The following RBFOX1 variants were observed in gnomAD, a reference collection of about 807,000 sequenced individuals.
The protein encoded by RBFOX1 is RNA binding protein fox-1 homolog 1.
In RBFOX1, 8 loss-of-function variants were observed where a neutral mutation model predicts 57.7. The ratio of observed to expected loss-of-function variants is 0.14; its 90% CI spans 0.08 to 0.25. RBFOX1 has a LOEUF of 0.25. Ranked by LOEUF, RBFOX1 falls within the 10% of genes least tolerant of loss-of-function variation. RBFOX1 has a pLI of 1.00. For missense variants in RBFOX1, 611 were observed against 548.5 expected, an observed-to-expected ratio of 1.11 and a Z score of -1.14; for synonymous variants, 326 against 222.4, an observed-to-expected ratio of 1.47 and a Z score of -4.15.
chr16:6,552,791 T>C (rs1341936603), intron 2 of RBFOX1, among the ~76,000 whole-genome samples: 1 of 151,976 alleles, frequency 6.6e-6, no homozygotes, highest in African/African-American at 2.4e-5. Flanking sequence ...TACAATTATA[T>C]GTGGTATGTA....
chr16:7,467,853 A>G (rs888787204), intron 4 of RBFOX1, among the ~76,000 whole-genome samples: 20 of 152,216 alleles, frequency 1.3e-4, no homozygotes, highest in Non-Finnish European at 2.1e-4. Context: ...AGCTCAATCT[A>G]TAGCCAAAGT....
intron 1 of RBFOX1, among the ~76,000 whole-genome samples, chr16:5,297,760 G>A (rs775949020): frequency 1.3e-5 from 2 of 152,310 alleles, no homozygotes; most frequent in Non-Finnish European, 2.9e-5. Flanking sequence ...GTTACTGGTT[G>A]CATGTAAGAT....
At chr16:5,517,148 G>A (rs2043822390) in intron 2 of RBFOX1, among the ~76,000 whole-genome samples, 1 of 152,100 alleles carries the variant, frequency 6.6e-6, no homozygotes, top group African/African-American at 2.4e-5. Flanking sequence ...TGCTGCTGTG[G>A]TCACCAGGAG....
intron 2 of RBFOX1, among the ~76,000 whole-genome samples, chr16:6,539,626 C>T (rs2096783741): frequency 1.3e-5 from 2 of 151,954 alleles, no homozygotes; most frequent in African/African-American, 4.8e-5. Context: ...GGTGGAACCC[C>T]ATCTCTACTA....
At chr16:7,689,768 G>A (rs748765776) in intron 14 of RBFOX1, among the ~76,000 whole-genome samples, 3 of 151,796 alleles carry the variant, frequency 2.0e-5, no homozygotes, top group Non-Finnish European at 4.4e-5. Context: ...CATAAGAAGT[G>A]GTCCATTAAG....
chr16:5,509,097 G>A (rs1053754031), intron 2 of RBFOX1, among the ~76,000 whole-genome samples: 21 of 152,162 alleles, frequency 1.4e-4, no homozygotes, highest in African/African-American at 3.9e-4. Flanking sequence ...GTGAAAACTG[G>A]GTCTCAGAGG....
chr16:6,650,482 C>A (rs970450746), intron 2 of RBFOX1, among the ~76,000 whole-genome samples: 1 of 152,108 alleles, frequency 6.6e-6, no homozygotes, highest in Non-Finnish European at 1.5e-5. Context: ...GTATGAGTTA[C>A]CTAATGGCTA....
chr16:5,825,499 G>A (rs1219701725), intron 3 of RBFOX1, among the ~76,000 whole-genome samples: 2 of 152,198 alleles, frequency 1.3e-5, no homozygotes, highest in Non-Finnish European at 2.9e-5. Flanking sequence ...TCAAATTTAG[G>A]AGCATTCATA....
chr16:7,174,051 C>G (rs989313996), intron 4 of RBFOX1, among the ~76,000 whole-genome samples: 3 of 152,202 alleles, frequency 2.0e-5, no homozygotes, highest in African/African-American at 7.2e-5. Context: ...TGAGCATCTG[C>G]TTTGTGTTAA....
intron 3 of RBFOX1, among the ~76,000 whole-genome samples, chr16:7,009,314 CTT>C (rs2093531769): frequency 6.7e-6 from 1 of 148,214 alleles, no homozygotes; most frequent in African/African-American, 2.5e-5. Flanking sequence ...CCTTCTTTCT[CTT>C]TCTTTGTACA....
chr16:5,540,638 A>G (rs1305935684), intron 2 of RBFOX1, among the ~76,000 whole-genome samples: 1 of 152,178 alleles, frequency 6.6e-6, no homozygotes, highest in African/African-American at 2.4e-5. Flanking sequence ...TTTGTTAAAA[A>G]TCCAGATTTC....
intron 1 of RBFOX1, among the ~76,000 whole-genome samples, chr16:5,361,929 G>A (rs2065562953): frequency 6.6e-6 from 1 of 152,206 alleles, no homozygotes; most frequent in African/African-American, 2.4e-5. Context: ...GGTTTGGACA[G>A]CAGGCAGATA....
chr16:6,449,939 A>G (rs771824124), intron 2 of RBFOX1, among the ~76,000 whole-genome samples: 12 of 152,312 alleles, frequency 7.9e-5, no homozygotes, highest in East Asian at 3.9e-4. Flanking sequence ...TTCATGCTGG[A>G]TGATGCCAGG....
chr16:7,022,663 C>T (rs972655756), intron 3 of RBFOX1, among the ~76,000 whole-genome samples: 1 of 152,002 alleles, frequency 6.6e-6, no homozygotes, highest in Non-Finnish European at 1.5e-5. Context: ...CCGTATAGAG[C>T]TGACATGTAG....
At chr16:6,904,598 C>A (rs1213602255) in intron 3 of RBFOX1, among the ~76,000 whole-genome samples, 3 of 45,882 alleles carry the variant, frequency 6.5e-5, no homozygotes, top group South Asian at 1.4e-3. Context: ...GAGACTCTCT[C>A]TAAAAAAAAA....
intron 3 of RBFOX1, among the ~76,000 whole-genome samples, chr16:5,835,858 C>G (rs2056440273): frequency 6.6e-6 from 1 of 152,164 alleles, no homozygotes; most frequent in Non-Finnish European, 1.5e-5. Context: ...CCACAGGCCT[C>G]CCATCCCTCC....
At chr16:7,066,634 C>T (rs924871148) in intron 4 of RBFOX1, among the ~76,000 whole-genome samples, 4 of 152,152 alleles carry the variant, frequency 2.6e-5, no homozygotes, top group African/African-American at 9.7e-5. Context: ...AAAGTGTAGA[C>T]AATTTCCCAA....
rs111991989 is a variant in RBFOX1, at chr16:5,682,803, C to G, written c.318+83842C>G. On this transcript the variant is annotated intron_variant, in intron 3 of 19. Coordinates refer to the RBFOX1 transcript ENST00000641259. ...TTGAGAGGTCCTTGAATTTTCCTCA[C>G]CAGAACTGGCAGTCTGATATGTGAA... Among the ~76,000 whole-genome samples the G allele has an allele frequency of 5.2e-3, 797 of 152,278 alleles. 5 individuals carry two copies. Among genetic ancestry groups the G allele is most frequent in the African/African-American group, 0.018 (749 of 41,554 alleles).
rs1288440634 is a variant in RBFOX1 at position 6,556,502 on chromosome 16, T to C, written c.-63-98101T>C. On this transcript the variant is annotated intron_variant, in intron 2 of 15. Transcript: ENST00000550418. ...TGAGGTCTCATTTGTTCCCAGGAAG[T>C]CCACGGCGCATTAAGGCCCACAGAC... Among the ~76,000 whole-genome samples, 3 of 152,140 alleles carry C rather than the reference T, an allele frequency of 2.0e-5. No homozygotes were observed. The East Asian group carries it at 5.8e-4, about 29-fold the overall frequency.
Sources: gnomAD v4.1 joint callset for allele counts (sites outside exome capture counted in the v4.1 genomes callset) on GRCh38, gnomAD v4.1.1 for gene constraint, MANE v1.5 for transcripts, NCBI Gene and HGNC (gene_info 2026-07-23, HGNC 2026-07-21) for gene names.